SLCO1B3: variants seen among roughly 807,000 people sequenced by gnomAD.
SLCO1B3 encodes the protein liver-specific organic anion transporter 2.
A neutral mutation model predicts 71.8 loss-of-function variants in SLCO1B3; 72 were observed. The observed-to-expected ratio is 1.00, with a 90% CI of 0.83 to 1.22. The LOEUF (loss-of-function observed/expected upper bound fraction) is 1.22, where lower values mean the gene tolerates loss of function less well. Among genes scored for constraint, SLCO1B3 ranks in the 50% most tolerant of loss-of-function variants. The probability of loss-of-function intolerance (pLI) is 0.00; values close to 1 mark genes in which losing one functional copy is unlikely to be tolerated. For synonymous variants in SLCO1B3, 298 were observed against 278.4 expected (o/e 1.07, Z -0.70); for missense variants, 911 against 819.7 (o/e 1.11, Z -1.36).
intron 3 of SLCO1B3, among the ~76,000 whole-genome samples, chr12:20,841,809 G>A (rs1515769): frequency 0.72 from 109,743 of 151,400 alleles, 42,318 homozygotes; most frequent in South Asian, 0.9. Flanking sequence ...TTTTATGTCC[G>A]AATATATCAT....
chr12:20,842,425 T>C (rs138942970), intron 3 of SLCO1B3, among the ~76,000 whole-genome samples: 9 of 152,336 alleles, frequency 5.9e-5, no homozygotes, highest in African/African-American at 2.2e-4. Flanking sequence ...TTTAGGTTGA[T>C]ATATCAATAT....
chr12:20,862,361 T>C (rs1865283118), intron 6 of SLCO1B3, 51 bp from the exon 7 acceptor site: 4 of 1,521,800 alleles, frequency 2.6e-6, no homozygotes, highest in African/African-American at 2.8e-5. Flanking sequence ...AAATTTCTAA[T>C]AGGAATGTTA....
intron 15 of SLCO1B3, chr12:20,902,116 C>T: frequency 4.4e-6 from 1 of 225,024 alleles, no homozygotes; most frequent in South Asian, 4.9e-5. Flanking sequence ...GTAAGTATGA[C>T]CCAAATGCCT....
intron 13 of SLCO1B3, among the ~76,000 whole-genome samples, chr12:20,886,675 A>G (rs191601594): frequency 9.9e-5 from 15 of 152,058 alleles, no homozygotes; most frequent in Non-Finnish European, 2.2e-4. Flanking sequence ...AAACTAGTGC[A>G]TGAAGATGGG....
intron 13 of SLCO1B3, among the ~76,000 whole-genome samples, chr12:20,886,127 A>G (rs540051320): frequency 1.8e-4 from 27 of 152,200 alleles, no homozygotes; most frequent in African/African-American, 6.5e-4. Flanking sequence ...TTTAAGGATG[A>G]TCCCAAGGTT....
chr12:20,858,304 C>T (rs1865182413), intron 4 of SLCO1B3, 135 bp from the exon 5 acceptor site: 1 of 618,588 alleles, frequency 1.6e-6, no homozygotes, highest in Non-Finnish European at 2.8e-6. Context: ...GAGAGTTTAC[C>T]TTCACAGTTA....
chr12:20,876,524 CACTA>C (rs1865582191), intron 9 of SLCO1B3, among the ~76,000 whole-genome samples: 1 of 152,156 alleles, frequency 6.6e-6, no homozygotes, highest in East Asian at 1.9e-4. Flanking sequence ...CTCTCCACCA[CACTA>C]ACCCAAGAGC....
chr12:20,823,572 C>T (rs1864362448), intron 3 of SLCO1B3, among the ~76,000 whole-genome samples: 1 of 152,090 alleles, frequency 6.6e-6, no homozygotes, highest in Non-Finnish European at 1.5e-5. Context: ...TACTTTTACA[C>T]TTGGTTTAAT....
Position 20,877,906 on chromosome 12 carries a change from C to T in SLCO1B3, c.1105C>T (p.Gln369Ter). The change falls in exon 10 of 16, where the codon CAG (glutamine) becomes TAG (stop). Residue 369 changes from glutamine to a stop codon, truncating the protein, a stop_gained. Transcript: ENST00000381545. LOFTEE classifies it high-confidence loss of function. ...TAAATATATGGAGCAACAGTACGGTCAGTCTGCATCTCATGCTAACTTTTT... is the reference window on the plus strand; with the variant it reads ...TAAATATATGGAGCAACAGTACGGTTAGTCTGCATCTCATGCTAACTTTTT... Reference protein sequence around the residue: ...VFKYMEQQYGQSASHANFLLG... With the variant: ...VFKYMEQQYG 2 of 1,588,476 alleles carry T rather than the reference C, an allele frequency of 1.3e-6. No individual in the cohort carries two copies. The highest frequency in any genetic ancestry group is 1.4e-5 in the African/African-American group (1 of 73,310).
Position 20,877,893 on chromosome 12 carries a change from G to A in SLCO1B3, c.1092G>A (p.Glu364=), listed in dbSNP as rs149072672. 35 of 1,590,074 alleles carry A rather than the reference G, an allele frequency of 2.2e-5. No individual in the cohort carries two copies. Among genetic ancestry groups the A allele is most frequent in the Middle Eastern group, 1.7e-4 (1 of 6,026 alleles). ...TTACTTACGTCTTTAAATATATGGA[G>A]CAACAGTACGGTCAGTCTGCATCTC... ...GSFTYVFKYM[E]QQYGQSASHA... Residue 364 remains glutamate, a synonymous_variant, in exon 10 of 16, where the codon GAG becomes GAA. Coordinates refer to ENST00000381545, the MANE Select transcript of SLCO1B3 (RefSeq NM_019844.4).
At chr12:20,911,935 C>T (rs1211823975) in intron 15 of SLCO1B3, among the ~76,000 whole-genome samples, 1 of 152,004 alleles carries the variant, frequency 6.6e-6, no homozygotes, top group Non-Finnish European at 1.5e-5. Context: ...TTTCACTGTG[C>T]CCTACTTTTA....
Position 20,875,490 on chromosome 12 carries a change from C to G in SLCO1B3, c.970+13C>G. 2 of 1,590,306 alleles carry G rather than the reference C, an allele frequency of 1.3e-6. No homozygotes were observed. The highest frequency in any genetic ancestry group is 1.7e-6 in the Non-Finnish European group (2 of 1,174,682). ...AAAAATGTGACTGGTAGGTATTTGA[C>G]ATTCATTGTCAACTTGGAATTGTTA... On this transcript the variant is annotated intron_variant, in intron 9 of 15. Transcript: ENST00000381545.
chr12:20,867,966 C>G (rs1865405501), intron 8 of SLCO1B3, among the ~76,000 whole-genome samples: 2 of 152,172 alleles, frequency 1.3e-5, no homozygotes, highest in African/African-American at 4.8e-5. Context: ...TCCTCCTCCT[C>G]TACCTGTTCA....
intron 3 of SLCO1B3, among the ~76,000 whole-genome samples, chr12:20,823,454 C>T (rs1006504087): frequency 3.9e-5 from 6 of 152,068 alleles, no homozygotes; most frequent in African/African-American, 1.4e-4. Flanking sequence ...TAGAATCAAA[C>T]AACAGGTACT....
chr12:20,907,480 CCTTCCT>C (rs759986374), intron 15 of SLCO1B3, among the ~76,000 whole-genome samples: 3 of 139,848 alleles, frequency 2.1e-5, no homozygotes, highest in Admixed American at 7.2e-5. Flanking sequence ...TTCCCCTTCC[CCTTCCT>C]CTTCTCCTCC....
At position 20,861,014 on chromosome 12, in the gene SLCO1B3, C is replaced by T. The variant is rs3764009; in HGVS notation, c.360-3C>T. 1,285,807 of 1,552,940 alleles carry T rather than the reference C, an allele frequency of 0.83. 540,393 individuals are homozygous for T. Among genetic ancestry groups the T allele is most frequent in the South Asian group, 0.91 (76,038 of 83,968 alleles). On this transcript the variant is annotated splice_polypyrimidine_tract_variant and splice_region_variant and intron_variant, in intron 5 of 15. Transcript: ENST00000381545. ...AATGTTCAATTTCATGTTGCTCTTA[C>T]AGTTATAGGTATTCTAAAGAAACCC...
intron 15 of SLCO1B3, among the ~76,000 whole-genome samples, chr12:20,915,321 T>G (rs1025134389): frequency 6.6e-6 from 1 of 152,160 alleles, no homozygotes; most frequent in Admixed American, 6.6e-5. Context: ...TATTCTTTCA[T>G]TTTGGTTCTT....
At chr12:20,893,440 A>AG (rs1454710189) in intron 13 of SLCO1B3, among the ~76,000 whole-genome samples, 1 of 152,214 alleles carries the variant, frequency 6.6e-6, no homozygotes, top group East Asian at 1.9e-4. Flanking sequence ...ATAGTATGGT[A>AG]GGGTGGTGCA....
At chr12:20,887,050 C>A (rs1056353227) in intron 13 of SLCO1B3, among the ~76,000 whole-genome samples, 2 of 152,008 alleles carry the variant, frequency 1.3e-5, no homozygotes, top group African/African-American at 4.8e-5. Flanking sequence ...TACATGATTT[C>A]ACTTTTTAAT....
Sources: gnomAD v4.1 joint callset for allele counts (sites outside exome capture counted in the v4.1 genomes callset) on GRCh38, gnomAD v4.1.1 for gene constraint, MANE v1.5 for transcripts, NCBI Gene and HGNC (gene_info 2026-07-23, HGNC 2026-07-21) for gene names.